FHIT: variants seen among roughly 807,000 people sequenced by gnomAD.
FHIT encodes the protein bis(5'-adenosyl)-triphosphatase.
In FHIT, 19 loss-of-function variants were observed where a neutral mutation model predicts 17.9. The ratio of observed to expected loss-of-function variants is 1.06; its 90% CI spans 0.74 to 1.56. The LOEUF is 1.56. FHIT is among the 40% of genes most tolerant of loss of function. The pLI, the probability that FHIT is intolerant of heterozygous loss-of-function variation, is 0.00. For missense variants in FHIT, 248 were observed against 189.2 expected, an observed-to-expected ratio of 1.31 and a Z score of -1.82; for synonymous variants, 81 against 69.7, an observed-to-expected ratio of 1.16 and a Z score of -0.81.
intron 2 of FHIT, among the ~76,000 whole-genome samples, chr3:61,097,920 GTTTCC>G (rs1366637501): frequency 6.6e-6 from 1 of 152,156 alleles, no homozygotes; most frequent in Non-Finnish European, 1.5e-5. Flanking sequence ...TCTGTTGGTA[GTTTCC>G]TTTACTGTGC....
chr3:61,171,481 T>C (rs2038002693), intron 2 of FHIT, among the ~76,000 whole-genome samples: 1 of 152,186 alleles, frequency 6.6e-6, no homozygotes, highest in Non-Finnish European at 1.5e-5. Flanking sequence ...TAGACTAAAA[T>C]ATTAATTTGA....
chr3:60,682,842 C>G (rs1427991211), intron 4 of FHIT, among the ~76,000 whole-genome samples: 2 of 152,172 alleles, frequency 1.3e-5, no homozygotes, highest in Non-Finnish European at 1.5e-5. Flanking sequence ...TGAAAACCTT[C>G]TGGAAAGGAT....
chr3:59,883,613 T>C (rs1461190912), intron 8 of FHIT, among the ~76,000 whole-genome samples: 2 of 152,198 alleles, frequency 1.3e-5, no homozygotes, highest in African/African-American at 2.4e-5. Context: ...AACATGAGAT[T>C]TGGGTGGGGA....
At chr3:59,858,420 G>T (rs956055291) in intron 8 of FHIT, among the ~76,000 whole-genome samples, 1 of 151,784 alleles carries the variant, frequency 6.6e-6, no homozygotes, top group African/African-American at 2.4e-5. Context: ...TATAGACGGG[G>T]TTTCACCATG....
intron 5 of FHIT, among the ~76,000 whole-genome samples, chr3:60,509,405 T>A (rs1307020601): frequency 6.6e-6 from 1 of 152,218 alleles, no homozygotes; most frequent in African/African-American, 2.4e-5. Flanking sequence ...GATTCTCAGA[T>A]AAGACAAGTT....
At chr3:60,879,954 TA>T (rs1393161533) in intron 3 of FHIT, among the ~76,000 whole-genome samples, 64 of 148,418 alleles carry the variant, frequency 4.3e-4, no homozygotes, top group East Asian at 9.8e-4. Flanking sequence ...AAAGATGTAT[TA>T]AAAAAAAAAC....
At chr3:59,810,919 T>C (rs1700386240) in intron 8 of FHIT, among the ~76,000 whole-genome samples, 1 of 152,238 alleles carries the variant, frequency 6.6e-6, no homozygotes, top group Admixed American at 6.5e-5. Context: ...GAACTGTGTT[T>C]GGCTGGTTAA....
chr3:60,598,477 GGATA>G (rs2038340786), intron 4 of FHIT, among the ~76,000 whole-genome samples: 1 of 152,112 alleles, frequency 6.6e-6, no homozygotes, highest in African/African-American at 2.4e-5. Context: ...GAGTGTTTGA[GGATA>G]GATAATTCCA....
At chr3:60,757,669 G>A (rs1163342785) in intron 4 of FHIT, among the ~76,000 whole-genome samples, 5 of 152,204 alleles carry the variant, frequency 3.3e-5, no homozygotes, top group Admixed American at 2.0e-4. Context: ...AAGCTTCAGG[G>A]AAGAGGTGAG....
intron 5 of FHIT, among the ~76,000 whole-genome samples, chr3:60,237,102 A>C (rs1704836906): frequency 6.6e-6 from 1 of 152,114 alleles, no homozygotes; most frequent in Non-Finnish European, 1.5e-5. Flanking sequence ...TTTCACTCTT[A>C]CAAATCCTAG....
At chr3:60,059,038 T>C (rs1442174562) in intron 5 of FHIT, among the ~76,000 whole-genome samples, 1 of 152,050 alleles carries the variant, frequency 6.6e-6, no homozygotes, top group African/African-American at 2.4e-5. Flanking sequence ...AGTAGGTAGG[T>C]AGTCAGGCGT....
At chr3:60,464,432 G>C (rs1044628994) in intron 5 of FHIT, among the ~76,000 whole-genome samples, 31 of 151,982 alleles carry the variant, frequency 2.0e-4, no homozygotes, top group Admixed American at 1.5e-3. Flanking sequence ...TAGTCACCCT[G>C]TTATGCTATC....
intron 3 of FHIT, among the ~76,000 whole-genome samples, chr3:61,031,470 TAG>T (rs1278606695): frequency 6.6e-6 from 1 of 152,208 alleles, no homozygotes; most frequent in African/African-American, 2.4e-5. Context: ...GATTACTTTA[TAG>T]AGAGAAAGAG....
chr3:60,475,860 C>G (rs1054938175), intron 5 of FHIT, among the ~76,000 whole-genome samples: 4 of 152,104 alleles, frequency 2.6e-5, no homozygotes, highest in Admixed American at 6.6e-5. Context: ...TAAGAGTCTC[C>G]AAGGGGAAAA....
chr3:60,484,429 G>T (rs577115837), intron 5 of FHIT, among the ~76,000 whole-genome samples: 1 of 152,086 alleles, frequency 6.6e-6, no homozygotes. Flanking sequence ...ATACTACAAG[G>T]CTACAGTAAC....
At chr3:60,744,263 C>CAAAAAAAAAAAAAAAGAAAAAAAAAAA (rs1201886354) in intron 4 of FHIT, among the ~76,000 whole-genome samples, 1 of 85,984 alleles carries the variant, frequency 1.2e-5, no homozygotes. Context: ...AAAAACAAAA[C>CAAAAAAAAAAAAAAAGAAAAAAAAAAA]AAAACAAAAA....
chr3:59,868,102 A>G (rs1702743621), intron 8 of FHIT, among the ~76,000 whole-genome samples: 1 of 151,282 alleles, frequency 6.6e-6, no homozygotes. Flanking sequence ...AAGACTGAAC[A>G]TGGCCCTAGC....
At chr3:60,496,917 A>G (rs933407436) in intron 5 of FHIT, among the ~76,000 whole-genome samples, 3 of 152,100 alleles carry the variant, frequency 2.0e-5, no homozygotes, top group East Asian at 3.9e-4. Flanking sequence ...ATCAAACAAC[A>G]TGATTTCCTT....
chr3:61,133,315 C>G (rs781470280), intron 2 of FHIT, among the ~76,000 whole-genome samples: 2 of 152,124 alleles, frequency 1.3e-5, no homozygotes, highest in Non-Finnish European at 2.9e-5. Context: ...TTCCTGTATT[C>G]CTAGTATCTA....
Sources: gnomAD v4.1 joint callset for allele counts (sites outside exome capture counted in the v4.1 genomes callset) on GRCh38, gnomAD v4.1.1 for gene constraint, MANE v1.5 for transcripts, NCBI Gene and HGNC (gene_info 2026-07-23, HGNC 2026-07-21) for gene names.